BAIAP2L1: variants seen among roughly 807,000 people sequenced by gnomAD.
BAIAP2L1 encodes BAR/IMD domain containing adaptor protein 2 like 1.
A neutral mutation model predicts 66.3 loss-of-function variants in BAIAP2L1; 35 were observed. That is an observed-to-expected ratio of 0.53 (90% CI 0.40 to 0.70). The LOEUF (loss-of-function observed/expected upper bound fraction) is 0.70. BAIAP2L1 is among the 30% of genes least tolerant of loss of function. The pLI is 0.00. For missense variants in BAIAP2L1, 622 were observed against 656.9 expected, an observed-to-expected ratio of 0.95 and a Z score of 0.58; for synonymous variants, 269 against 248.7, an observed-to-expected ratio of 1.08 and a Z score of -0.77.
chr7:98,339,625 G>A (rs539226751), intron 3 of BAIAP2L1, among the ~76,000 whole-genome samples: 14 of 152,190 alleles, frequency 9.2e-5, no homozygotes, highest in African/African-American at 2.4e-4. Flanking sequence ...GATTCTAGCC[G>A]CATCCATCTT....
At chr7:98,354,979 C>G in intron 3 of BAIAP2L1, 63 bp downstream of exon 3, 1 of 1,245,086 alleles carries the variant, frequency 8.0e-7, no homozygotes, top group South Asian at 1.2e-5. Context: ...CCATCCCACG[C>G]GTTTCTCTTG....
chr7:98,331,188 T>A (rs1801487151), intron 3 of BAIAP2L1, among the ~76,000 whole-genome samples: 1 of 151,666 alleles, frequency 6.6e-6, no homozygotes, highest in African/African-American at 2.4e-5. Flanking sequence ...GAAACTGAAA[T>A]GCAAGGAGAA....
intron 2 of BAIAP2L1, among the ~76,000 whole-genome samples, chr7:98,361,986 T>C (rs1170034474): frequency 1.3e-5 from 2 of 152,182 alleles, no homozygotes; most frequent in Non-Finnish European, 2.9e-5. Flanking sequence ...AAGTGATACA[T>C]CTAAAGACAA....
rs1562971204 is a variant in BAIAP2L1 at position 98,317,470 on chromosome 7, C to G, written c.349-114G>C. On this transcript the variant is annotated intron_variant, in intron 5 of 13. Transcript: ENST00000005260. ...GCTCAACGGGGCCCTGACACCCTCA[C>G]TTCACACCATCCTCACACTGGCTGG... The G allele has an allele frequency of 3.0e-6, 4 of 1,339,840 alleles. No individual in the cohort carries two copies. In the East Asian group the frequency reaches 9.2e-5, roughly 31 times the overall value. The allele number at this position is 1,339,840 out of a possible 1,614,324, so 83.0% of individuals were successfully genotyped here. A position where few individuals can be genotyped will look rare whatever the true frequency, so the allele number is the denominator to read the frequency against.
chr7:98,362,945 A>G (rs7803372), intron 1 of BAIAP2L1, among the ~76,000 whole-genome samples: 61,279 of 151,422 alleles, frequency 0.4, 13,361 homozygotes, highest in Middle Eastern at 0.55. Flanking sequence ...GAGGGACGTG[A>G]AAGGGGGCAT....
rs78535261 is a variant in BAIAP2L1 at position 98,330,807 on chromosome 7, G to A, written c.215-10509C>T. Among the ~76,000 whole-genome samples, 672 of 151,002 alleles carry A rather than the reference G, an allele frequency of 4.5e-3. 6 individuals carry two copies. The highest frequency in any genetic ancestry group is 0.016 in the African/African-American group (655 of 41,316). On this transcript the variant is annotated intron_variant, in intron 3 of 13. Coordinates refer to ENST00000005260, the MANE Select transcript of BAIAP2L1 (RefSeq NM_018842.5). The stretch of plus-strand genomic sequence containing the variant: ...GGCACAGGCATGTCACATGGTGTGA[G>A]AGGGAGCAAGGGAGTGGGAGGGGTG...
At chr7:98,316,091 T>A (rs1359986585) in intron 6 of BAIAP2L1, among the ~76,000 whole-genome samples, 2 of 152,186 alleles carry the variant, frequency 1.3e-5, no homozygotes, top group African/African-American at 4.8e-5. Context: ...GTCTTTCCCA[T>A]GCCATTCTTG....
chr7:98,353,653 T>TA (rs1180703829), intron 3 of BAIAP2L1, among the ~76,000 whole-genome samples: 1 of 140,784 alleles, frequency 7.1e-6, no homozygotes, highest in Non-Finnish European at 1.5e-5. Flanking sequence ...ATTATATATA[T>TA]TTTTATATAT....
chr7:98,315,600 C>G lies in BAIAP2L1; in HGVS notation c.499G>C (p.Val167Leu). Residue 167 changes from valine to leucine, a missense_variant, in exon 7 of 14, where the codon GTT becomes CTT. Coordinates refer to ENST00000005260, the MANE Select transcript of BAIAP2L1 (RefSeq NM_018842.5). ...TGGATTTCACTCTGACGAGAAGTAA[C>G]GGTCTCCACATACTAAAAAAAAAAA... ...EHKEIEYVET[V>L]TSRQSEIQKF... The G allele has an allele frequency of 7.2e-7, 1 of 1,396,658 alleles. No individual in the cohort carries two copies. The highest frequency in any genetic ancestry group is 9.4e-7 in the Non-Finnish European group (1 of 1,064,332). The allele number at this position is 1,396,658 out of a possible 1,614,324, so 86.5% of individuals were successfully genotyped here.
In BAIAP2L1 at chr7:98,316,194, G is replaced by A. The variant is rs545428390; in HGVS notation, c.487-582C>T. ...TTGCCTGCTGCCATCCATGTAAGAC[G>A]TGACTTGCTCCTCCTTCCCTTCCAC... On this transcript the variant is annotated intron_variant, in intron 6 of 13. Coordinates refer to ENST00000005260, the MANE Select transcript of BAIAP2L1 (RefSeq NM_018842.5). Among the ~76,000 whole-genome samples the A allele has an allele frequency of 9.2e-5, 14 of 152,180 alleles. No individual in the cohort carries two copies. In the South Asian group the frequency reaches 1.2e-3, roughly 14 times the overall value.
chr7:98,400,710 G>C, intron 1 of BAIAP2L1, 92 bp downstream of exon 1: 1 of 1,410,068 alleles, frequency 7.1e-7, no homozygotes, highest in Non-Finnish European at 9.8e-7. Flanking sequence ...AGGGGAGCTG[G>C]AGGGAGGGAA....
intron 3 of BAIAP2L1, among the ~76,000 whole-genome samples, chr7:98,354,028 C>A (rs562869003): frequency 4.6e-5 from 7 of 151,924 alleles, no homozygotes; most frequent in Admixed American, 6.6e-5. Context: ...ATACATAGAT[C>A]GCTTTCTCGC....
chr7:98,365,215 AGCC>A (rs1420104745), intron 1 of BAIAP2L1, among the ~76,000 whole-genome samples: 1 of 151,926 alleles, frequency 6.6e-6, no homozygotes. Context: ...TGGGACCCCT[AGCC>A]ATGTGGAAAA....
At chr7:98,358,028 G>A (rs1197447099) in intron 2 of BAIAP2L1, among the ~76,000 whole-genome samples, 1 of 152,190 alleles carries the variant, frequency 6.6e-6, no homozygotes, top group Non-Finnish European at 1.5e-5. Flanking sequence ...TTAGTATGAA[G>A]ATGTTAAGTT....
chr7:98,322,197 G>T (rs1366195369), intron 3 of BAIAP2L1, among the ~76,000 whole-genome samples: 3 of 152,122 alleles, frequency 2.0e-5, no homozygotes, highest in East Asian at 3.9e-4. Context: ...AGAAAGCACA[G>T]ACTGGACTAT....
At chr7:98,317,088 T>C (rs949216487) in intron 6 of BAIAP2L1, 131 bp downstream of exon 6, 30 of 1,170,754 alleles carry the variant, frequency 2.6e-5, no homozygotes, top group Admixed American at 1.4e-4. Flanking sequence ...CCTGACCTCA[T>C]ATGATCCTAC....
At chr7:98,326,712 G>A (rs866818142) in intron 3 of BAIAP2L1, among the ~76,000 whole-genome samples, 14 of 152,184 alleles carry the variant, frequency 9.2e-5, no homozygotes, top group South Asian at 8.3e-4. Flanking sequence ...AGTAAATGAA[G>A]AGGGAGTACA....
chr7:98,319,607 C>T (rs547061085), intron 5 of BAIAP2L1, among the ~76,000 whole-genome samples: 17 of 145,620 alleles, frequency 1.2e-4, no homozygotes, highest in Admixed American at 6.4e-4. Context: ...AGTGCAGTGG[C>T]GCAATCTTGG....
intron 1 of BAIAP2L1, among the ~76,000 whole-genome samples, chr7:98,383,300 TCAGA>T (rs1802803403): frequency 7.1e-6 from 1 of 141,094 alleles, no homozygotes; most frequent in African/African-American, 2.6e-5. Context: ...TTTTTTTTTT[TCAGA>T]CAGAATTTCC....
Sources: gnomAD v4.1 joint callset for allele counts (sites outside exome capture counted in the v4.1 genomes callset) on GRCh38, gnomAD v4.1.1 for gene constraint, MANE v1.5 for transcripts, NCBI Gene and HGNC (gene_info 2026-07-23, HGNC 2026-07-21) for gene names.